The following PTPRZ1 variants were observed in gnomAD, a reference collection of about 807,000 sequenced individuals.
PTPRZ1 encodes the protein protein tyrosine phosphatase receptor type Z1, also known as receptor-type tyrosine-protein phosphatase zeta.
A neutral mutation model predicts 214.1 loss-of-function variants in PTPRZ1; 82 were observed. That is an observed-to-expected ratio of 0.38 (90% CI 0.32 to 0.46). The LOEUF is 0.46. Ranked by LOEUF, PTPRZ1 falls within the 20% of genes least tolerant of loss-of-function variation. The pLI is 1.00. For synonymous variants in PTPRZ1, 945 were observed against 987.9 expected, an observed-to-expected ratio of 0.96 and a Z score of 0.81; for missense variants, 2,603 against 2,748.7, an observed-to-expected ratio of 0.95 and a Z score of 1.19.
chr7:121,972,716 A>T lies in PTPRZ1; in HGVS notation c.456+24A>T, dbSNP rs943708176. ...AGGTAAGTCAGGAGATCTGCTGTGTACTATTTTATTTTCTAAATAATTGAT... is the reference window on the plus strand; with the variant it reads ...AGGTAAGTCAGGAGATCTGCTGTGTTCTATTTTATTTTCTAAATAATTGAT... On this transcript the variant is annotated intron_variant, in intron 4 of 29. Transcript: ENST00000393386. 1.2e-5 allele frequency: 18 copies of T among 1,494,844 alleles called. No homozygotes were observed. In the Admixed American group the frequency reaches 3.1e-4, roughly 26 times the overall value. The allele number at this position is 1,494,844 out of a possible 1,614,324, so 92.6% of individuals were successfully genotyped here.
intron 28 of PTPRZ1, chr7:122,059,438 A>G: frequency 5.2e-6 from 1 of 194,110 alleles, no homozygotes. Context: ...ATTATATTAT[A>G]TGTGTATTAT....
At position 121,996,389 on chromosome 7, in the gene PTPRZ1, T is replaced by C. The variant is rs1798135733; in HGVS notation, c.936T>C (p.Ser312=). ...ACTTTTTTCTCTCTGAAGTTTGTAG[T>C]TCAGAACCAGAAAATGTTCAGGCTG... The part of the protein sequence containing the change: ...GKEEIHEAVC[S]SEPENVQADP... The change falls in exon 9 of 30, where the codon AGT becomes AGC. Residue 312 remains serine, a synonymous_variant. Coordinates refer to ENST00000393386, the MANE Select transcript of PTPRZ1 (RefSeq NM_002851.3). The C allele has an allele frequency of 6.2e-7, 1 of 1,603,682 alleles. No individual in the cohort carries two copies. The highest frequency in any genetic ancestry group is 1.3e-5 in the African/African-American group (1 of 74,816).
intron 1 of PTPRZ1, among the ~76,000 whole-genome samples, chr7:121,895,620 C>G (rs1419848763): frequency 2.6e-5 from 4 of 152,044 alleles, no homozygotes; most frequent in Non-Finnish European, 5.9e-5. Context: ...TATGAATCTT[C>G]TAGTGTTACA....
chr7:122,052,777 G>A (rs1313799635), intron 25 of PTPRZ1, among the ~76,000 whole-genome samples: 1 of 152,148 alleles, frequency 6.6e-6, no homozygotes, highest in Non-Finnish European at 1.5e-5. Flanking sequence ...TTCCTCTCTT[G>A]TAGAGGCAAC....
chr7:121,984,120 A>G lies in PTPRZ1; in HGVS notation c.928+3A>G, dbSNP rs1294880204. 1 of 1,608,488 alleles carries G rather than the reference A, an allele frequency of 6.2e-7. No individual in the cohort carries two copies. Among genetic ancestry groups the G allele is most frequent in the Non-Finnish European group, 8.5e-7 (1 of 1,176,942 alleles). On this transcript the variant is annotated splice_donor_region_variant and intron_variant, in intron 8 of 29. Coordinates refer to ENST00000393386, the MANE Select transcript of PTPRZ1 (RefSeq NM_002851.3). Reference sequence around the variant, plus strand: ...AAAGGAAGAGATTCATGAAGCAGGTATGTATTTAAATATAATCTTCTACAA... The same window carrying G: ...AAAGGAAGAGATTCATGAAGCAGGTGTGTATTTAAATATAATCTTCTACAA...
intron 1 of PTPRZ1, among the ~76,000 whole-genome samples, chr7:121,922,505 G>A (rs1321857630): frequency 6.6e-6 from 1 of 152,160 alleles, no homozygotes; most frequent in South Asian, 2.1e-4. Flanking sequence ...GGGGTGAGGT[G>A]CAGAGGTTGC....
At chr7:122,058,653 A>G (rs924642767) in intron 27 of PTPRZ1, 147 bp from the exon 28 acceptor site, 8 of 567,750 alleles carry the variant, frequency 1.4e-5, no homozygotes, top group Admixed American at 6.9e-5. Context: ...TCTTCCTTCT[A>G]TGATGAAGAA....
Position 122,013,106 on chromosome 7 carries a change from A to G in PTPRZ1, c.4060A>G (p.Thr1354Ala), listed in dbSNP as rs148882804. Residue 1354 changes from threonine (T) to alanine (A), a missense_variant, in exon 12 of 30, where the codon ACA (threonine) becomes GCA (alanine). Thr to Ala is a moderately conservative substitution (Grantham distance 58, BLOSUM62 0). Coordinates refer to ENST00000393386, the MANE Select transcript of PTPRZ1 (RefSeq NM_002851.3). ...VTGKVFAGIP[T>A]VASDTFVSTD... ...TGGTAAGGTATTTGCTGGTATTCCA[A>G]CAGTTGCTTCTGATACATTTGTATC... 2.5e-6 allele frequency: 4 copies of G among 1,613,866 alleles called. No homozygotes were observed. The highest frequency in any genetic ancestry group is 2.7e-5 in the African/African-American group (2 of 74,926).
rs753728224 is a variant in PTPRZ1, at chr7:121,928,149, T to C, written c.59-7T>C. On this transcript the variant is annotated splice_region_variant and splice_polypyrimidine_tract_variant and intron_variant, in intron 1 of 29. Transcript: ENST00000393386. Reference sequence around the variant, plus strand: ...CATACTGATTACTTGGTTTTTCTTTTTTATAGATTGGGCTAATGGATACTA... The same window carrying C: ...CATACTGATTACTTGGTTTTTCTTTCTTATAGATTGGGCTAATGGATACTA... 6.2e-7 allele frequency: 1 copy of C among 1,608,392 alleles called. No individual in the cohort carries two copies. Among genetic ancestry groups the C allele is most frequent in the Admixed American group, 1.7e-5 (1 of 59,796 alleles).
chr7:121,971,966 T>G (rs560628254), intron 3 of PTPRZ1, among the ~76,000 whole-genome samples: 1 of 152,236 alleles, frequency 6.6e-6, no homozygotes, highest in Non-Finnish European at 1.5e-5. Context: ...CTTCTGCCAC[T>G]CAGGGTTCAA....
intron 2 of PTPRZ1, among the ~76,000 whole-genome samples, chr7:121,944,219 A>T (rs1225320123): frequency 1.3e-5 from 2 of 152,086 alleles, no homozygotes; most frequent in African/African-American, 2.4e-5. Flanking sequence ...TTTACCTTAC[A>T]CTACTCTTGA....
At chr7:121,940,551 C>G (rs1178915242) in intron 2 of PTPRZ1, among the ~76,000 whole-genome samples, 1 of 152,020 alleles carries the variant, frequency 6.6e-6, no homozygotes, top group Non-Finnish European at 1.5e-5. Flanking sequence ...TCTTTTTTGT[C>G]CCAAAGTTTT....
At chr7:122,032,650 C>T (rs988287539) in intron 15 of PTPRZ1, among the ~76,000 whole-genome samples, 6 of 152,152 alleles carry the variant, frequency 3.9e-5, no homozygotes, top group African/African-American at 4.8e-5. Flanking sequence ...CCAGGACTCA[C>T]ACCCATCATT....
At chr7:122,021,762 T>A (rs13247836) in intron 13 of PTPRZ1, among the ~76,000 whole-genome samples, 8 of 152,036 alleles carry the variant, frequency 5.3e-5, no homozygotes, top group Middle Eastern at 3.2e-3. Context: ...ACTTTGATGG[T>A]TTTATGTATA....
At chr7:121,929,519 A>C (rs1334243402) in intron 2 of PTPRZ1, among the ~76,000 whole-genome samples, 1 of 137,720 alleles carries the variant, frequency 7.3e-6, no homozygotes, top group African/African-American at 2.8e-5. Flanking sequence ...AAAAAAAAAA[A>C]CTTTCAAGCC....
intron 11 of PTPRZ1, among the ~76,000 whole-genome samples, chr7:122,005,716 T>C (rs1798466327): frequency 6.6e-6 from 1 of 152,032 alleles, no homozygotes; most frequent in South Asian, 2.1e-4. Flanking sequence ...ATATTTGTGC[T>C]GAGTTGTTAA....
intron 2 of PTPRZ1, among the ~76,000 whole-genome samples, chr7:121,950,464 TAAAG>T (rs1412969669): frequency 2.0e-5 from 3 of 152,204 alleles, no homozygotes; most frequent in Admixed American, 2.0e-4. Flanking sequence ...CAGATAGTGA[TAAAG>T]AAGCAAAGTA....
intron 2 of PTPRZ1, among the ~76,000 whole-genome samples, chr7:121,930,065 A>G (rs371456918): frequency 3.3e-5 from 5 of 151,888 alleles, no homozygotes; most frequent in East Asian, 1.9e-4. Context: ...TTAATTTTTT[A>G]TTAGCCATTT....
At chr7:121,878,946 C>G (rs1184120752) in intron 1 of PTPRZ1, among the ~76,000 whole-genome samples, 1 of 152,140 alleles carries the variant, frequency 6.6e-6, no homozygotes, top group East Asian at 1.9e-4. Context: ...GTCTTTCCCT[C>G]TTTTGATTAT....
Sources: allele counts gnomAD v4.1 joint callset (sites outside exome capture counted in the v4.1 genomes callset), GRCh38; gene constraint gnomAD v4.1.1; transcripts MANE v1.5; gene names NCBI Gene and HGNC (gene_info 2026-07-23, HGNC 2026-07-21).